Variants in RBM41 observed in about 807,000 individuals in gnomAD.
RBM41 encodes the protein RNA binding motif protein 41, also known as RNA-binding protein 41.
RBM41 carries 14 observed loss-of-function variants against 30.8 expected under a neutral mutation model. The observed-to-expected ratio is 0.45, with a 90% CI of 0.30 to 0.71. The LOEUF is 0.71. Among genes scored for constraint, RBM41 ranks in the 30% least tolerant of loss-of-function variants. The pLI is 0.08. For synonymous variants in RBM41, 120 were observed against 110.1 expected (o/e 1.09, Z -0.56); for missense variants, 276 against 326.3 (o/e 0.85, Z 1.19).
At chrX:107,082,071 A>T (rs1211588294) in intron 6 of RBM41, among the ~76,000 whole-genome samples, 2 of 111,769 alleles carry the variant, frequency 1.8e-5, no homozygotes, top group Non-Finnish European at 3.8e-5. Flanking sequence ...GAAGTGGGGA[A>T]AGGGGACATT....
At chrX:107,071,174 G>T (rs1445334263) in intron 6 of RBM41, among the ~76,000 whole-genome samples, 1 of 70,556 alleles carries the variant, frequency 1.4e-5, no homozygotes, top group Non-Finnish European at 2.8e-5. Flanking sequence ...GATAAACAGA[G>T]AAAAATGGGA....
intron 5 of RBM41, among the ~76,000 whole-genome samples, chrX:107,111,602 T>C (rs1033064708): frequency 9.0e-6 from 1 of 111,602 alleles, no homozygotes; most frequent in Non-Finnish European, 1.9e-5. Flanking sequence ...CCCATGTTCG[T>C]AGCAGCATTA....
At chrX:107,068,835 TCTA>T (rs1386373357) in intron 7 of RBM41, among the ~76,000 whole-genome samples, 1 of 112,557 alleles carries the variant, frequency 8.9e-6, no homozygotes, top group African/African-American at 3.2e-5. Context: ...TGTATCATCA[TCTA>T]CTAATTATGA....
chrX:107,079,218 CTT>C lies in RBM41; in HGVS notation c.999+9216_999+9217del, dbSNP rs1443372790. Among the ~76,000 whole-genome samples the C allele has an allele frequency of 4.5e-5, 5 of 111,963 alleles. No individual in the cohort carries two copies. In the East Asian group the frequency reaches 8.4e-4, roughly 19 times the overall value. On this transcript the variant is annotated intron_variant, in intron 6 of 7. Transcript: ENST00000685964. ...ATATAAATATTTCTATATGTAAACA[CTT>C]ATATCTATATTAAGTTAAACATGAG...
At chrX:107,089,731 T>C (rs1039709614) in intron 5 of RBM41, among the ~76,000 whole-genome samples, 2 of 111,758 alleles carry the variant, frequency 1.8e-5, no homozygotes, top group African/African-American at 6.5e-5. Context: ...ATAAGACACA[T>C]AACGTTTGGT....
intron 6 of RBM41, among the ~76,000 whole-genome samples, chrX:107,083,365 C>A (rs1921722492): frequency 9.0e-6 from 1 of 111,207 alleles, no homozygotes; most frequent in Non-Finnish European, 1.9e-5. Context: ...GTAGTTTGAA[C>A]ATGATACGCT....
rs1935668113 is a variant in RBM41 at position 107,062,305 on chromosome X, A to G, written c.*5222T>C. ...CTACGGTTTATCTATGCACCAGTTGAAGGATATCCTTCATTTTTATGTTCC... is the reference window on the plus strand; with the variant it reads ...CTACGGTTTATCTATGCACCAGTTGGAGGATATCCTTCATTTTTATGTTCC... On this transcript the variant is annotated 3_prime_UTR_variant, in exon 8 of 8. Coordinates refer to ENST00000685964, the MANE Select transcript of RBM41 (RefSeq NM_001324242.2). Among the ~76,000 whole-genome samples the G allele has an allele frequency of 9.0e-6, 1 of 111,640 alleles. No individual in the cohort carries two copies. Among genetic ancestry groups the G allele is most frequent in the South Asian group, 3.8e-4 (1 of 2,660 alleles).
Position 107,063,314 on chromosome X carries a change from A to G in RBM41, c.*4213T>C, listed in dbSNP as rs775239508. Among the ~76,000 whole-genome samples the G allele has an allele frequency of 9.8e-5, 11 of 111,835 alleles. No homozygotes were observed. The highest frequency in any genetic ancestry group is 1.5e-4 in the Non-Finnish European group (8 of 53,188). ...ATATAAATAGTATCATATAATATGT[A>G]GTCTTTTGTGACTGGCTTCTTGCAC... is the stretch of plus-strand genomic sequence containing the variant. On this transcript the variant is annotated 3_prime_UTR_variant, in exon 8 of 8. Coordinates refer to ENST00000685964, the MANE Select transcript of RBM41 (RefSeq NM_001324242.2).
At chrX:107,083,981 T>C (rs1201056202) in intron 6 of RBM41, among the ~76,000 whole-genome samples, 1 of 107,456 alleles carries the variant, frequency 9.3e-6, no homozygotes, top group Non-Finnish European at 1.9e-5. Context: ...ATCTATCAAG[T>C]AATAGGAACT....
intron 6 of RBM41, among the ~76,000 whole-genome samples, chrX:107,086,013 C>T (rs1922005723): frequency 9.0e-6 from 1 of 111,567 alleles, no homozygotes; most frequent in Non-Finnish European, 1.9e-5. Flanking sequence ...AAAAAACAAA[C>T]GATTAAATAT....
intron 5 of RBM41, among the ~76,000 whole-genome samples, chrX:107,095,323 T>C (rs6523918): frequency 0.3 from 33,504 of 110,413 alleles, 4,813 homozygotes; most frequent in African/African-American, 0.54. Context: ...AGGCCAGGCA[T>C]AGTGGCTCAT....
intron 5 of RBM41, among the ~76,000 whole-genome samples, chrX:107,110,210 T>G (rs1435247829): frequency 9.0e-6 from 1 of 110,802 alleles, no homozygotes; most frequent in Non-Finnish European, 1.9e-5. Flanking sequence ...GTAGTCAAAA[T>G]GGATCATAGA....
At chrX:107,103,114 TTTTG>T (rs1569341812) in intron 5 of RBM41, among the ~76,000 whole-genome samples, 1 of 110,808 alleles carries the variant, frequency 9.0e-6, no homozygotes. Flanking sequence ...GGGTTAAGAC[TTTTG>T]GGGATGTTAT....
intron 5 of RBM41, among the ~76,000 whole-genome samples, chrX:107,099,526 T>C: frequency 8.9e-6 from 1 of 112,101 alleles, no homozygotes; most frequent in Non-Finnish European, 1.9e-5. Context: ...ATTTGCTAAA[T>C]GGGCAAAAGA....
chrX:107,066,713 A>T lies in RBM41; in HGVS notation c.*814T>A, dbSNP rs1049969106. ...ATTTTCCAGCAACCATAAACAAACA[A>T]CTGGGGGATTTGTGACTGGCATCCT... is the stretch of plus-strand genomic sequence containing the variant. On this transcript the variant is annotated 3_prime_UTR_variant, in exon 8 of 8. Transcript: ENST00000685964. The T allele has an allele frequency of 1.3e-6, 1 of 751,301 alleles. No individual in the cohort carries two copies. The highest frequency in any genetic ancestry group is 6.8e-5 in the South Asian group (1 of 14,635). 61.9% of individuals were successfully genotyped at this position (751,301 alleles called of 1,213,427 possible).
intron 5 of RBM41, among the ~76,000 whole-genome samples, chrX:107,092,985 T>A (rs1217201108): frequency 8.9e-6 from 1 of 112,056 alleles, no homozygotes; most frequent in Non-Finnish European, 1.9e-5. Context: ...AAGAATTAAT[T>A]ATAAAATTCT....
At position 107,117,556 on chromosome X, in the gene RBM41, G is replaced by A. The variant is rs1461220244; in HGVS notation, c.9-790C>T. Among the ~76,000 whole-genome samples the A allele has an allele frequency of 2.7e-5, 3 of 111,344 alleles. No individual in the cohort carries two copies. The East Asian group carries it at 8.5e-4, about 31-fold the overall frequency. ...CTGAGAGAACAATGGTACCAATGAAGGAAAGACAAAGCTCCAGATGGAATA... is the reference window on the plus strand; with the variant it reads ...CTGAGAGAACAATGGTACCAATGAAAGAAAGACAAAGCTCCAGATGGAATA... On this transcript the variant is annotated intron_variant, in intron 1 of 7. Coordinates refer to ENST00000685964, the MANE Select transcript of RBM41 (RefSeq NM_001324242.2).
At chrX:107,073,536 G>A (rs976421002) in intron 6 of RBM41, among the ~76,000 whole-genome samples, 4 of 111,708 alleles carry the variant, frequency 3.6e-5, no homozygotes, top group Admixed American at 2.8e-4. Context: ...ACAGACTGTT[G>A]GTGGGACTGT....
At chrX:107,116,403 AC>A (rs1204526527) in intron 2 of RBM41, among the ~76,000 whole-genome samples, 7 of 112,283 alleles carry the variant, frequency 6.2e-5, no homozygotes, top group Non-Finnish European at 1.3e-4. Context: ...ATATTGGGTT[AC>A]AAGTGCTATG....
Sources: gnomAD v4.1 joint callset for allele counts (sites outside exome capture counted in the v4.1 genomes callset) on GRCh38, gnomAD v4.1.1 for gene constraint, MANE v1.5 for transcripts, NCBI Gene and HGNC (gene_info 2026-07-23, HGNC 2026-07-21) for gene names.